The following GRM7 variants were observed in gnomAD, a reference collection of about 807,000 sequenced individuals.
GRM7 encodes the protein glutamate metabotropic receptor 7.
Under a neutral mutation model 84.5 loss-of-function variants are expected in GRM7, and 35 were observed. The ratio of observed to expected loss-of-function variants is 0.41; its 90% CI spans 0.32 to 0.55. GRM7 has a LOEUF of 0.55. Ranked by LOEUF, GRM7 falls within the 20% of genes least tolerant of loss-of-function variation. The probability of loss-of-function intolerance (pLI) is 0.19; values close to 1 mark genes in which losing one functional copy is unlikely to be tolerated. For missense variants in GRM7, 1,003 were observed against 1,194.6 expected (o/e 0.84, Z 2.36); for synonymous variants, 487 against 455.1 (o/e 1.07, Z -0.89).
intron 1 of GRM7, among the ~76,000 whole-genome samples, chr3:6,925,670 C>A (rs773013002): frequency 6.6e-6 from 1 of 152,160 alleles, no homozygotes; most frequent in Non-Finnish European, 1.5e-5. Context: ...CTCTTGTGAT[C>A]TGAATGCTCT....
chr3:7,673,141 C>G (rs1353449438), intron 8 of GRM7, among the ~76,000 whole-genome samples: 1 of 152,164 alleles, frequency 6.6e-6, no homozygotes, highest in South Asian at 2.1e-4. Context: ...CAGAGACCAT[C>G]ATTTGATCCC....
Position 7,298,762 on chromosome 3 carries a change from A to T in GRM7, c.815A>T (p.Lys272Ile). 2 of 1,613,850 alleles carry T rather than the reference A, an allele frequency of 1.2e-6. No individual in the cohort carries two copies. Among genetic ancestry groups the T allele is most frequent in the Non-Finnish European group, 1.7e-6 (2 of 1,179,754 alleles). ...ACCATTGACTTTGATAGAATTATCAAACAGCTCCTGGACACCCCCAACTCC... is the reference window on the plus strand; with the variant it reads ...ACCATTGACTTTGATAGAATTATCATACAGCTCCTGGACACCCCCAACTCC... ...DRTIDFDRII[K>I]QLLDTPNSRA... Residue 272 changes from lysine to isoleucine, a missense_variant, in exon 3 of 10, where the codon AAA (lysine) becomes ATA (isoleucine). Around this residue, in one of 2 missense-constraint regions of GRM7, gnomAD observed 910 missense variants for 1,126.0 expected, o/e 0.81. Transcript: ENST00000357716.
chr3:7,251,747 C>A (rs1352806957), intron 2 of GRM7, among the ~76,000 whole-genome samples: 2 of 152,130 alleles, frequency 1.3e-5, no homozygotes, highest in Admixed American at 6.5e-5. Flanking sequence ...GTGTGCCCAA[C>A]CCTGTGACAG....
intron 7 of GRM7, among the ~76,000 whole-genome samples, chr3:7,476,037 C>T (rs901934313): frequency 2.0e-5 from 3 of 152,242 alleles, no homozygotes; most frequent in Non-Finnish European, 1.5e-5. Context: ...AGTATTCACA[C>T]GTGTAGACTG....
intron 4 of GRM7, among the ~76,000 whole-genome samples, chr3:7,336,045 T>C (rs11711232): frequency 0.046 from 6,991 of 151,988 alleles, 241 homozygotes; most frequent in Non-Finnish European, 0.069. Context: ...TAAATCATTC[T>C]ATGAAACCAG....
chr3:7,635,584 C>A (rs1356203502), intron 8 of GRM7, among the ~76,000 whole-genome samples: 1 of 152,172 alleles, frequency 6.6e-6, no homozygotes, highest in Non-Finnish European at 1.5e-5. Flanking sequence ...TTACTTCAGC[C>A]CTTGTTGGGA....
intron 4 of GRM7, among the ~76,000 whole-genome samples, chr3:7,362,178 A>G (rs1351469581): frequency 6.6e-6 from 1 of 152,076 alleles, no homozygotes; most frequent in Non-Finnish European, 1.5e-5. Flanking sequence ...TTTTTTAGTC[A>G]TTTGTAACAG....
At chr3:6,978,341 T>G (rs547736365) in intron 1 of GRM7, among the ~76,000 whole-genome samples, 29 of 152,210 alleles carry the variant, frequency 1.9e-4, no homozygotes, top group Admixed American at 1.8e-3. Context: ...CCCCAACACC[T>G]TGATTATAAA....
rs187146886 is a variant in GRM7 at position 7,665,419 on chromosome 3, C to G, written c.2452-14630C>G. 3.0e-4 allele frequency among the ~76,000 whole-genome samples: 45 copies of G among 152,124 alleles called. No individual in the cohort carries two copies. The Middle Eastern group carries it at 0.01, about 34-fold the overall frequency. The stretch of plus-strand genomic sequence containing the variant: ...CTCGATCTCCTGACCTCGTGATCCA[C>G]CCGCCTCGGCCTCCCAAAGTGCTGG... On this transcript the variant is annotated intron_variant, in intron 8 of 9. Transcript: ENST00000357716.
At chr3:7,011,024 A>T (rs763905224) in intron 1 of GRM7, among the ~76,000 whole-genome samples, 2 of 152,208 alleles carry the variant, frequency 1.3e-5, no homozygotes, top group Admixed American at 6.5e-5. Context: ...AGGCCAAGAC[A>T]CTAGAGTCAG....
intron 8 of GRM7, among the ~76,000 whole-genome samples, chr3:7,590,716 A>G (rs1252502134): frequency 6.6e-6 from 1 of 152,062 alleles, no homozygotes; most frequent in Non-Finnish European, 1.5e-5. Context: ...AGACCTTTCC[A>G]TGCTGTGTTC....
chr3:7,087,375 C>A lies in GRM7; in HGVS notation c.520-59077C>A, dbSNP rs150903929. ...TCTCTGCTAAGTTATTGTATATTTT[C>A]TATTCTAGAATATGCTCTTTTTTTT... On this transcript the variant is annotated intron_variant, in intron 1 of 9. Transcript: ENST00000357716. Among the ~76,000 whole-genome samples the A allele has an allele frequency of 1.9e-3, 265 of 141,778 alleles. 1 individual carries two copies. Among genetic ancestry groups the A allele is most frequent in the African/African-American group, 6.6e-3 (238 of 36,304 alleles). The allele number at this position is 141,778 out of a possible 152,430, so 93.0% of individuals were successfully genotyped here. A position where few individuals can be genotyped will look rare whatever the true frequency, so the allele number is the denominator to read the frequency against.
At chr3:7,521,636 G>T (rs917398081) in intron 7 of GRM7, among the ~76,000 whole-genome samples, 4 of 152,066 alleles carry the variant, frequency 2.6e-5, no homozygotes, top group African/African-American at 9.7e-5. Context: ...AGCTCTAATG[G>T]ACTAAGACAA....
chr3:7,346,154 T>C (rs1037188720), intron 4 of GRM7, among the ~76,000 whole-genome samples: 1 of 152,142 alleles, frequency 6.6e-6, no homozygotes, highest in Non-Finnish European at 1.5e-5. Context: ...AAATGCTTAT[T>C]ATATGGTTTC....
At chr3:7,101,570 G>T (rs1467592401) in intron 1 of GRM7, among the ~76,000 whole-genome samples, 2 of 150,830 alleles carry the variant, frequency 1.3e-5, no homozygotes, top group African/African-American at 4.9e-5. Context: ...ATATAATCAC[G>T]GTTAGGTCTG....
At position 6,981,111 on chromosome 3, in the gene GRM7, T is replaced by A. The variant is rs114138059; in HGVS notation, c.519+119204T>A. Among the ~76,000 whole-genome samples, 458 of 152,268 alleles carry A rather than the reference T, an allele frequency of 3.0e-3. 2 individuals carry two copies. The highest frequency in any genetic ancestry group is 9.7e-3 in the African/African-American group (403 of 41,564). On this transcript the variant is annotated intron_variant, in intron 1 of 9. Transcript: ENST00000357716. ...TGTAAAATTCGCAAAGGCCATGGAA[T>A]GAAGTTCAGATAAGGTTTAACCAAA... is the stretch of plus-strand genomic sequence containing the variant.
intron 1 of GRM7, among the ~76,000 whole-genome samples, chr3:7,076,626 C>G (rs183346609): frequency 6.2e-4 from 94 of 152,180 alleles, no homozygotes; most frequent in African/African-American, 2.2e-3. Flanking sequence ...AGCACTGTGA[C>G]AGACTAATGC....
At chr3:7,042,243 T>C (rs938721289) in intron 1 of GRM7, among the ~76,000 whole-genome samples, 6 of 151,782 alleles carry the variant, frequency 4.0e-5, no homozygotes, top group African/African-American at 1.5e-4. Context: ...GGTAAAAGCA[T>C]AGGAATTGAA....
At chr3:6,889,963 G>T (rs1695866908) in intron 1 of GRM7, among the ~76,000 whole-genome samples, 1 of 152,190 alleles carries the variant, frequency 6.6e-6, no homozygotes, top group Admixed American at 6.5e-5. Context: ...AGTCTTGGGA[G>T]GGTGTACGTG....
Sources: allele counts gnomAD v4.1 joint callset (sites outside exome capture counted in the v4.1 genomes callset), GRCh38; gene constraint gnomAD v4.1.1; regional missense constraint gnomAD v4.1.1; transcripts MANE v1.5; gene names NCBI Gene and HGNC (gene_info 2026-07-23, HGNC 2026-07-21).